The following PTCD1 variants were observed in gnomAD, a reference collection of about 807,000 sequenced individuals.
PTCD1 encodes pentatricopeptide repeat domain 1.
In PTCD1, 50 loss-of-function variants were observed where a neutral mutation model predicts 53.4. The observed-to-expected ratio is 0.94, with a 90% CI of 0.75 to 1.19. The LOEUF (loss-of-function observed/expected upper bound fraction) is 1.19, where lower values mean the gene tolerates loss of function less well. Ranked by LOEUF, PTCD1 falls within the 50% of genes most tolerant of loss-of-function variation. PTCD1 has a pLI of 0.00. For missense variants in PTCD1, 918 were observed against 904.8 expected, an observed-to-expected ratio of 1.01 and a Z score of -0.19; for synonymous variants, 413 against 394.8, an observed-to-expected ratio of 1.05 and a Z score of -0.55.
intron 3 of PTCD1, among the ~76,000 whole-genome samples, chr7:99,432,315 T>C (rs1010701945): frequency 6.6e-6 from 1 of 152,202 alleles, no homozygotes; most frequent in African/African-American, 2.4e-5. Context: ...GATTGTGTGT[T>C]CTATTTACTG....
intron 3 of PTCD1, among the ~76,000 whole-genome samples, chr7:99,431,149 T>TG (rs1478559009): frequency 6.6e-6 from 1 of 151,866 alleles, no homozygotes; most frequent in African/African-American, 2.4e-5. Flanking sequence ...TTTTTTGAGA[T>TG]GGAGTCTTAC....
intron 7 of PTCD1, 103 bp from the exon 8 acceptor site, chr7:99,420,252 T>C: frequency 6.5e-7 from 1 of 1,534,566 alleles, no homozygotes; most frequent in African/African-American, 1.4e-5. Flanking sequence ...GCTGCCATTT[T>C]CCCTTCCAGG....
Position 99,427,814 on chromosome 7 carries a change from T to C in PTCD1, c.915+1289A>G, listed in dbSNP as rs543531186. ...TGATCTGTGACCTTACCCCCAACCC[T>C]GTGCTCTCTGAAACATGTGCTGTGT... On this transcript the variant is annotated intron_variant, in intron 5 of 7. Transcript: ENST00000292478. Among the ~76,000 whole-genome samples the C allele has an allele frequency of 3.8e-3, 572 of 151,734 alleles. 2 individuals carry two copies. The highest frequency in any genetic ancestry group is 0.013 in the African/African-American group (555 of 41,112).
At position 99,429,091 on chromosome 7, in the gene PTCD1, G is replaced by A. The variant is rs780210940; in HGVS notation, c.915+12C>T. On this transcript the variant is annotated intron_variant, in intron 5 of 7. Coordinates refer to ENST00000292478, the MANE Select transcript of PTCD1 (RefSeq NM_015545.4). ...GGAAGCAGGGCAGGAAGGTGGGGTG[G>A]GAGGGACATACCTGGAGGGCGTACC... 6.2e-7 allele frequency: 1 copy of A among 1,614,110 alleles called. No individual in the cohort carries two copies. Among genetic ancestry groups the A allele is most frequent in the Non-Finnish European group, 8.5e-7 (1 of 1,179,966 alleles).
intron 5 of PTCD1, among the ~76,000 whole-genome samples, chr7:99,426,846 G>A (rs1389339208): frequency 6.7e-6 from 1 of 150,100 alleles, no homozygotes; most frequent in African/African-American, 2.5e-5. Context: ...TGGGATGTGA[G>A]GAGCGCCTCT....
Position 99,417,617 on chromosome 7 carries a change from T to G in PTCD1, c.*2350A>C. On this transcript the variant is annotated 3_prime_UTR_variant, in exon 8 of 8. Transcript: ENST00000292478. Reference sequence around the variant, plus strand: ...AGTGGTAATGTCTGACACTCAAGCTTGGTGTTGTTTTCAGCTCAAAATTCT... The same window carrying G: ...AGTGGTAATGTCTGACACTCAAGCTGGGTGTTGTTTTCAGCTCAAAATTCT... 6.2e-7 allele frequency: 1 copy of G among 1,608,254 alleles called. No homozygotes were observed. Among genetic ancestry groups the G allele is most frequent in the Non-Finnish European group, 8.5e-7 (1 of 1,179,910 alleles).
intron 7 of PTCD1, among the ~76,000 whole-genome samples, chr7:99,423,414 C>T (rs1795902682): frequency 1.3e-5 from 2 of 152,032 alleles, no homozygotes; most frequent in African/African-American, 4.8e-5. Flanking sequence ...GTCAGAGCGG[C>T]AGCCAGCTGG....
chr7:99,417,731 G>A lies in PTCD1; in HGVS notation c.*2236C>T, dbSNP rs1382956899. On this transcript the variant is annotated 3_prime_UTR_variant, in exon 8 of 8. Transcript: ENST00000292478. ...GATGTCCTGCTGGCTCTCCCTCGTG[G>A]GAGTGGGTCCCTGTATTCAGGAATC... The A allele has an allele frequency of 6.5e-7, 1 of 1,536,672 alleles. No homozygotes were observed. Among genetic ancestry groups the A allele is most frequent in the Non-Finnish European group, 8.7e-7 (1 of 1,146,994 alleles).
At chr7:99,421,668 T>C (rs1265686827) in intron 7 of PTCD1, among the ~76,000 whole-genome samples, 1 of 148,968 alleles carries the variant, frequency 6.7e-6, no homozygotes, top group Non-Finnish European at 1.5e-5. Flanking sequence ...GGCAGGAAAA[T>C]CACTTGAACC....
In PTCD1 at chr7:99,419,186, A is replaced by G. The variant is rs1383996374; in HGVS notation, c.*781T>C. The G allele has an allele frequency of 8.4e-6, 5 of 596,248 alleles. No homozygotes were observed. The highest frequency in any genetic ancestry group is 3.7e-5 in the African/African-American group (2 of 53,912). The allele number at this position is 596,248 out of a possible 1,614,324, so 36.9% of individuals were successfully genotyped here. ...GAACATATTATAAATAGACATACAG[A>G]TGTAACCTCGGTGTCAACAGCAGCT... On this transcript the variant is annotated 3_prime_UTR_variant, in exon 8 of 8. Transcript: ENST00000292478.
chr7:99,427,221 G>A (rs1219080615), intron 5 of PTCD1, among the ~76,000 whole-genome samples: 1 of 146,746 alleles, frequency 6.8e-6, no homozygotes, highest in Non-Finnish European at 1.5e-5. Flanking sequence ...CCGTCCGGGA[G>A]GTGAGGGGCA....
Position 99,416,892 on chromosome 7 carries a change from TA to T in PTCD1, c.*3074del, listed in dbSNP as rs1795507454. 1 of 163,004 alleles carries T rather than the reference TA, an allele frequency of 6.1e-6. No individual in the cohort carries two copies. The highest frequency in any genetic ancestry group is 1.5e-4 in the South Asian group (1 of 6,508). 10.1% of individuals were successfully genotyped at this position (163,004 alleles called of 1,614,324 possible). A position where few individuals can be genotyped will look rare whatever the true frequency, so the allele number is the denominator to read the frequency against. On this transcript the variant is annotated 3_prime_UTR_variant, in exon 8 of 8. Coordinates refer to ENST00000292478, the MANE Select transcript of PTCD1 (RefSeq NM_015545.4). ...TGCACCACCACACCCAGCTAATTTT[TA>T]AATTTTTTGTGGAGATGGGCCCTTG...
chr7:99,424,658 T>G, intron 6 of PTCD1, 137 bp downstream of exon 6: 1 of 1,202,438 alleles, frequency 8.3e-7, no homozygotes, highest in Non-Finnish European at 1.2e-6. Flanking sequence ...CAGAAGGTCA[T>G]TGACCCCACT....
chr7:99,432,892 C>G, intron 3 of PTCD1: 1 of 331,974 alleles, frequency 3.0e-6, no homozygotes, highest in South Asian at 2.6e-5. Context: ...CTACAAAAAA[C>G]TTAAAAATTA....
intron 4 of PTCD1, 28 bp downstream of exon 4, chr7:99,429,560 G>A (rs751773533): frequency 2.5e-6 from 4 of 1,614,110 alleles, no homozygotes; most frequent in Non-Finnish European, 2.5e-6. Context: ...CCCCATGAAG[G>A]GGAGCAGGAC....
chr7:99,420,136 T>A lies in PTCD1; in HGVS notation c.1934A>T (p.Asn645Ile), dbSNP rs772306071. The change falls in exon 8 of 8, where the codon AAC (asparagine) becomes ATC (isoleucine). Residue 645 changes from asparagine (N) to isoleucine (I), a missense_variant. Asn to Ile is a moderately radical substitution (Grantham distance 149). Transcript: ENST00000292478. Reference protein sequence around the residue: ...PPTFDRYQGKNTYLEKIDGFR... With the variant: ...PPTFDRYQGKITYLEKIDGFR... The stretch of plus-strand genomic sequence containing the variant: ...GCCGTCAATCTTCTCCAGGTAGGTG[T>A]TCTTCCCTTGGTACTAGAATTAGAA... 6.2e-7 allele frequency: 1 copy of A among 1,614,174 alleles called. No individual in the cohort carries two copies. The highest frequency in any genetic ancestry group is 8.5e-7 in the Non-Finnish European group (1 of 1,180,020).
At chr7:99,420,956 C>CA (rs1795786525) in intron 7 of PTCD1, among the ~76,000 whole-genome samples, 1 of 150,538 alleles carries the variant, frequency 6.6e-6, no homozygotes, top group African/African-American at 2.4e-5. Flanking sequence ...CAAAAAAAAA[C>CA]AAAAACAAAA....
Position 99,419,501 on chromosome 7 carries a change from C to G in PTCD1, c.*466G>C, listed in dbSNP as rs369235347. 73 of 1,593,160 alleles carry G rather than the reference C, an allele frequency of 4.6e-5. No homozygotes were observed. The highest frequency in any genetic ancestry group is 1.7e-4 in the Middle Eastern group (1 of 6,020). ...CAGGTTCCTGCCTGTCACGCCACCC[C>G]CTTCCTGGGAGCAGCGAGCAGTGCC... On this transcript the variant is annotated 3_prime_UTR_variant, in exon 8 of 8. Transcript: ENST00000292478.
At chr7:99,424,707 G>A in intron 6 of PTCD1, 88 bp downstream of exon 6, 1 of 1,518,638 alleles carries the variant, frequency 6.6e-7, no homozygotes, top group African/African-American at 1.4e-5. Flanking sequence ...TCCAGGTGGG[G>A]GGTCTGCAGA....
Sources: gnomAD v4.1 joint callset for allele counts (sites outside exome capture counted in the v4.1 genomes callset) on GRCh38, gnomAD v4.1.1 for gene constraint, MANE v1.5 for transcripts, NCBI Gene and HGNC (gene_info 2026-07-23, HGNC 2026-07-21) for gene names.